Variants in DNAH8 observed in about 807,000 individuals in gnomAD.
The protein encoded by DNAH8 is dynein axonemal heavy chain 8.
Under a neutral mutation model 562.1 loss-of-function variants are expected in DNAH8, and 382 were observed. That is an observed-to-expected ratio of 0.68 (90% confidence interval 0.63 to 0.74). The LOEUF is 0.74. DNAH8 is among the 30% of genes least tolerant of loss of function. The pLI is 0.00. For missense variants in DNAH8, 5,203 were observed against 5,620.4 expected (o/e 0.93, Z 2.37); for synonymous variants, 1,881 against 1,919.4 (o/e 0.98, Z 0.52).
At chr6:38,757,291 A>G (rs2127602190) in intron 10 of DNAH8, among the ~76,000 whole-genome samples, 1 of 152,240 alleles carries the variant, frequency 6.6e-6, no homozygotes, top group South Asian at 2.1e-4. Flanking sequence ...GCATTTTTTC[A>G]TGTATCTTTT....
At chr6:38,881,365 T>C (rs1778463327) in intron 53 of DNAH8, among the ~76,000 whole-genome samples, 1 of 152,194 alleles carries the variant, frequency 6.6e-6, no homozygotes, top group Non-Finnish European at 1.5e-5. Flanking sequence ...TCTGAATCAT[T>C]GTATAATCTT....
intron 27 of DNAH8, 117 bp from the exon 28 acceptor site, chr6:38,823,445 C>T (rs1439780256): frequency 8.2e-6 from 6 of 735,240 alleles, no homozygotes; most frequent in Non-Finnish European, 1.4e-5. Context: ...TACCCAGCCA[C>T]TGGCCCCATT....
intron 26 of DNAH8, chr6:38,822,172 C>T (rs1772919644): frequency 6.6e-6 from 1 of 151,744 alleles, no homozygotes; most frequent in South Asian, 2.1e-4. Context: ...CTAATTTCTT[C>T]AACCAGTTTA....
At chr6:38,957,603 A>G (rs1583453929) in intron 82 of DNAH8, among the ~76,000 whole-genome samples, 1 of 89,692 alleles carries the variant, frequency 1.1e-5, no homozygotes, top group Non-Finnish European at 3.4e-5. Context: ...TTAACAAATT[A>G]AAAAAAACTG....
At chr6:38,923,270 A>C in intron 72 of DNAH8, 85 bp downstream of exon 72, 1 of 1,520,272 alleles carries the variant, frequency 6.6e-7, no homozygotes, top group Non-Finnish European at 8.9e-7. Context: ...TCATCTCTGA[A>C]TCCCATCATC....
At chr6:38,944,579 A>G (rs1394640743) in intron 79 of DNAH8, among the ~76,000 whole-genome samples, 1 of 152,232 alleles carries the variant, frequency 6.6e-6, no homozygotes, top group Non-Finnish European at 1.5e-5. Context: ...TACTAAAGAC[A>G]TGCAATAGAG....
At chr6:38,941,158 G>A (rs1197171341) in intron 79 of DNAH8, among the ~76,000 whole-genome samples, 1 of 151,806 alleles carries the variant, frequency 6.6e-6, no homozygotes, top group East Asian at 1.9e-4. Context: ...CAAGAGAAGA[G>A]TCAGGCAGTT....
intron 35 of DNAH8, among the ~76,000 whole-genome samples, chr6:38,844,578 A>C (rs1404930426): frequency 6.6e-6 from 1 of 152,244 alleles, no homozygotes; most frequent in African/African-American, 2.4e-5. Context: ...TTTTATACTT[A>C]ATAATATAGC....
chr6:38,917,228 C>T lies in DNAH8; in HGVS notation c.10141-11C>T, dbSNP rs766949842. 5.2e-6 allele frequency: 8 copies of T among 1,549,390 alleles called. No homozygotes were observed. The South Asian group carries it at 5.8e-5, about 11-fold the overall frequency. Reference sequence around the variant, plus strand: ...AACAAACAAAATATTGATCCTTAATCCCAAATATAGACTATCAAGCCAAAT... The same window carrying T: ...AACAAACAAAATATTGATCCTTAATTCCAAATATAGACTATCAAGCCAAAT... On this transcript the variant is annotated splice_polypyrimidine_tract_variant and intron_variant, in intron 68 of 92. Transcript: ENST00000327475.
Position 38,781,300 on chromosome 6 carries a change from C to T in DNAH8, c.2186C>T (p.Pro729Leu), listed in dbSNP as rs1768576589. Reference sequence around the variant, plus strand: ...GACCCCCCTCTTGCTCGCAACATGCCCCCTATAGCAGGAAAAATACTCTGG... The same window carrying T: ...GACCCCCCTCTTGCTCGCAACATGCTCCCTATAGCAGGAAAAATACTCTGG... Reference protein sequence around the residue: ...KDDPPLARNMPPIAGKILWVR... With the variant: ...KDDPPLARNMLPIAGKILWVR... The change falls in exon 16 of 93, where the codon CCC (proline) becomes CTC (leucine). Residue 729 changes from proline to leucine, a missense_variant. By Grantham distance (98) the Pro-to-Leu change is moderately conservative (BLOSUM62 -3). Coordinates refer to ENST00000327475, the MANE Select transcript of DNAH8 (RefSeq NM_001206927.2). 3 of 1,613,654 alleles carry T rather than the reference C, an allele frequency of 1.9e-6. No homozygotes were observed. The African/African-American group carries it at 4.0e-5, about 22-fold the overall frequency.
chr6:38,944,728 C>T (rs1450457168), intron 79 of DNAH8, among the ~76,000 whole-genome samples: 2 of 152,098 alleles, frequency 1.3e-5, no homozygotes, highest in Non-Finnish European at 2.9e-5. Context: ...AAAGCAAGGG[C>T]CTGGTTGGGT....
chr6:38,881,175 G>A (rs1192712394), intron 53 of DNAH8, among the ~76,000 whole-genome samples: 1 of 152,178 alleles, frequency 6.6e-6, no homozygotes, highest in African/African-American at 2.4e-5. Flanking sequence ...CAGCCACTTT[G>A]GAAAATAGTT....
In DNAH8 at chr6:39,010,905, C is replaced by T. The variant is rs557581282; in HGVS notation, c.13372-1310C>T. ...TGTTCAGCCACTGGAGGTTGAAGGA[C>T]TTGGGATGGAGATGAGAATGAGGCA... On this transcript the variant is annotated intron_variant, in intron 89 of 92. Transcript: ENST00000327475. Among the ~76,000 whole-genome samples the T allele has an allele frequency of 5.9e-5, 9 of 151,708 alleles. No homozygotes were observed. In the East Asian group the frequency reaches 1.7e-3, roughly 29 times the overall value.
rs139325086 is a variant in DNAH8, at chr6:38,897,660, A to G, written c.8941-598A>G. On this transcript the variant is annotated intron_variant, in intron 60 of 92. Transcript: ENST00000327475. ...CCGGGCGAGGTGGTTTATGCCTGTA[A>G]TACCCGCGACTTGGGGGAGTTGAGG... Among the ~76,000 whole-genome samples the G allele has an allele frequency of 1.2e-3, 190 of 152,256 alleles. 1 individual carries two copies. Among genetic ancestry groups the G allele is most frequent in the African/African-American group, 4.4e-3 (181 of 41,550 alleles).
intron 21 of DNAH8, among the ~76,000 whole-genome samples, chr6:38,793,455 G>C (rs78892997): frequency 6.1e-4 from 93 of 152,118 alleles, no homozygotes; most frequent in African/African-American, 2.0e-3. Flanking sequence ...AATTATACCA[G>C]CTTTTTTCAG....
chr6:38,974,909 A>G (rs577853546), intron 85 of DNAH8, among the ~76,000 whole-genome samples: 1 of 152,324 alleles, frequency 6.6e-6, no homozygotes, highest in South Asian at 2.1e-4. Flanking sequence ...CAAGAATTTT[A>G]TGTGCACCAT....
intron 30 of DNAH8, among the ~76,000 whole-genome samples, chr6:38,828,503 T>C (rs1056844493): frequency 6.6e-6 from 1 of 152,190 alleles, no homozygotes; most frequent in African/African-American, 2.4e-5. Flanking sequence ...ATGCTTACCA[T>C]TGTCTAGAAT....
At position 38,982,565 on chromosome 6, in the gene DNAH8, A is replaced by G. The variant is rs1764106717; in HGVS notation, c.12951+103A>G. 7.2e-6 allele frequency: 5 copies of G among 693,312 alleles called. No homozygotes were observed. In the South Asian group the frequency reaches 7.5e-5, roughly 10 times the overall value. The allele number at this position is 693,312 out of a possible 1,614,324, so 42.9% of individuals were successfully genotyped here. Reference sequence around the variant, plus strand: ...ATAAGGTGTGAATTTGCTGAGCCCCATGGAGCCCCCTTTGAAGGGACTTGT... The same window carrying G: ...ATAAGGTGTGAATTTGCTGAGCCCCGTGGAGCCCCCTTTGAAGGGACTTGT... On this transcript the variant is annotated intron_variant, in intron 86 of 92. Coordinates refer to ENST00000327475, the MANE Select transcript of DNAH8 (RefSeq NM_001206927.2).
At chr6:38,841,915 G>A (rs540727326) in intron 33 of DNAH8, among the ~76,000 whole-genome samples, 20 of 152,166 alleles carry the variant, frequency 1.3e-4, no homozygotes, top group Middle Eastern at 3.4e-3. Context: ...GGAATAGGGT[G>A]TTTAAGCTCA....
Sources: gnomAD v4.1 joint callset for allele counts (sites outside exome capture counted in the v4.1 genomes callset) on GRCh38, gnomAD v4.1.1 for gene constraint, MANE v1.5 for transcripts, NCBI Gene and HGNC (gene_info 2026-07-23, HGNC 2026-07-21) for gene names.